The following NLGN1 variants were observed in gnomAD, a reference collection of about 807,000 sequenced individuals.
NLGN1 encodes neuroligin-1.
NLGN1 carries 12 observed loss-of-function variants against 65.5 expected under a neutral mutation model. That is an observed-to-expected ratio of 0.18 (90% CI 0.12 to 0.30). NLGN1 has a LOEUF of 0.30. Ranked by LOEUF, NLGN1 falls within the 10% of genes least tolerant of loss-of-function variation. The pLI is 1.00. For missense variants in NLGN1, 750 were observed against 1,007.1 expected (o/e 0.74, Z 3.46); for synonymous variants, 350 against 359.5 (o/e 0.97, Z 0.30).
chr3:173,837,187 A>T (rs999747268), intron 4 of NLGN1, among the ~76,000 whole-genome samples: 1 of 152,164 alleles, frequency 6.6e-6, no homozygotes, highest in African/African-American at 2.4e-5. Context: ...GGAAATTAAG[A>T]GTATGCGATT....
intron 4 of NLGN1, among the ~76,000 whole-genome samples, chr3:174,218,578 G>A (rs1169834836): frequency 6.6e-6 from 1 of 152,012 alleles, no homozygotes; most frequent in Non-Finnish European, 1.5e-5. Flanking sequence ...GGTCCGTGCA[G>A]CAGATCCCCT....
chr3:173,749,876 TCTTC>T (rs1454819334), intron 3 of NLGN1, among the ~76,000 whole-genome samples: 6 of 152,066 alleles, frequency 3.9e-5, no homozygotes, highest in Non-Finnish European at 7.4e-5. Flanking sequence ...TACATTCCAG[TCTTC>T]CTAAAGCACA....
At chr3:173,548,961 C>T (rs1273931897) in intron 2 of NLGN1, among the ~76,000 whole-genome samples, 2 of 151,908 alleles carry the variant, frequency 1.3e-5, no homozygotes, top group Non-Finnish European at 2.9e-5. Flanking sequence ...TAATGGCTTA[C>T]GTACTGCAGT....
At chr3:173,402,741 A>G (rs1717922141) in intron 1 of NLGN1, among the ~76,000 whole-genome samples, 1 of 152,180 alleles carries the variant, frequency 6.6e-6, no homozygotes, top group Admixed American at 6.5e-5. Context: ...CTTTATCTAG[A>G]AGGAAACTTT....
At chr3:174,261,971 T>C (rs1224050868) in intron 4 of NLGN1, among the ~76,000 whole-genome samples, 1 of 146,340 alleles carries the variant, frequency 6.8e-6, no homozygotes, top group African/African-American at 2.6e-5. Flanking sequence ...GCTCTGTTTA[T>C]ATGCTGGATT....
chr3:173,761,216 A>T (rs1028520360), intron 3 of NLGN1, among the ~76,000 whole-genome samples: 5 of 151,996 alleles, frequency 3.3e-5, no homozygotes, highest in Admixed American at 3.3e-4. Context: ...GCTAAAGAAC[A>T]CTGAGATGCA....
At chr3:173,667,477 T>G (rs1415477906) in intron 3 of NLGN1, among the ~76,000 whole-genome samples, 1 of 152,136 alleles carries the variant, frequency 6.6e-6, no homozygotes, top group Non-Finnish European at 1.5e-5. Context: ...CATAACCATG[T>G]TACAGTGATG....
chr3:173,882,623 G>T (rs1206043547), intron 4 of NLGN1, among the ~76,000 whole-genome samples: 2 of 152,162 alleles, frequency 1.3e-5, no homozygotes, highest in Admixed American at 6.5e-5. Context: ...TTCTTTTGCA[G>T]CTTCGTCTTC....
chr3:173,617,549 C>T (rs887916589), intron 3 of NLGN1, among the ~76,000 whole-genome samples: 4 of 152,250 alleles, frequency 2.6e-5, no homozygotes, highest in Non-Finnish European at 4.4e-5. Context: ...TTGTTTATGG[C>T]GCAGTGCTCC....
chr3:173,718,904 T>A (rs1291578647), intron 3 of NLGN1, among the ~76,000 whole-genome samples: 1 of 152,204 alleles, frequency 6.6e-6, no homozygotes, highest in East Asian at 1.9e-4. Flanking sequence ...ATGTGAAAAA[T>A]TTTCTTGAAT....
chr3:173,853,146 T>G (rs1727302166), intron 4 of NLGN1, among the ~76,000 whole-genome samples: 1 of 152,214 alleles, frequency 6.6e-6, no homozygotes, highest in Non-Finnish European at 1.5e-5. Flanking sequence ...CTCTTTAGAC[T>G]TCTCAGGTTT....
intron 4 of NLGN1, among the ~76,000 whole-genome samples, chr3:173,830,799 G>T (rs1460582250): frequency 2.0e-5 from 3 of 152,088 alleles, no homozygotes; most frequent in South Asian, 2.1e-4. Context: ...TAGCCGGAAA[G>T]GTTAGTCAGT....
At chr3:173,420,810 T>C (rs964957634) in intron 1 of NLGN1, among the ~76,000 whole-genome samples, 1 of 152,238 alleles carries the variant, frequency 6.6e-6, no homozygotes, top group Non-Finnish European at 1.5e-5. Context: ...AGAGCCTATC[T>C]TTCCACACTA....
intron 4 of NLGN1, among the ~76,000 whole-genome samples, chr3:173,820,182 A>G (rs1017487007): frequency 1.5e-4 from 18 of 117,524 alleles, no homozygotes; most frequent in Non-Finnish European, 1.9e-4. Flanking sequence ...CAGTCTCGAA[A>G]AAAAAAAAAA....
chr3:174,218,359 G>C (rs1321826573), intron 4 of NLGN1, among the ~76,000 whole-genome samples: 1 of 151,840 alleles, frequency 6.6e-6, no homozygotes, highest in African/African-American at 2.4e-5. Flanking sequence ...CTTCAGTGAG[G>C]TTAAGGAATT....
chr3:174,119,963 A>T (rs1490975482), intron 4 of NLGN1, among the ~76,000 whole-genome samples: 4 of 152,236 alleles, frequency 2.6e-5, no homozygotes, highest in Non-Finnish European at 4.4e-5. Flanking sequence ...AATAATAGCT[A>T]TATTTTATTA....
intron 2 of NLGN1, among the ~76,000 whole-genome samples, chr3:173,569,857 C>T (rs1744339646): frequency 7.7e-6 from 1 of 129,762 alleles, no homozygotes; most frequent in Non-Finnish European, 1.7e-5. Context: ...GTATTCTACA[C>T]TACCACACAT....
intron 4 of NLGN1, among the ~76,000 whole-genome samples, chr3:173,900,772 C>T (rs2152175988): frequency 6.6e-6 from 1 of 152,094 alleles, no homozygotes; most frequent in Admixed American, 6.6e-5. Context: ...AATTTATTTT[C>T]ACCAGTAGAG....
At chr3:173,861,239 G>GA (rs1026611072) in intron 4 of NLGN1, among the ~76,000 whole-genome samples, 1 of 151,546 alleles carries the variant, frequency 6.6e-6, no homozygotes, top group Non-Finnish European at 1.5e-5. Flanking sequence ...ATGAGAGTTT[G>GA]AAAAAAATAT....
Sources: gnomAD v4.1 joint callset for allele counts (sites outside exome capture counted in the v4.1 genomes callset) on GRCh38, gnomAD v4.1.1 for gene constraint, MANE v1.5 for transcripts, NCBI Gene and HGNC (gene_info 2026-07-23, HGNC 2026-07-21) for gene names.